KRIT1: variants seen among roughly 807,000 people sequenced by gnomAD.
KRIT1 encodes the protein KRIT1 ankyrin repeat containing, also known as krev interaction trapped protein 1.
KRIT1 carries 45 observed loss-of-function variants against 95.8 expected under a neutral mutation model. The observed-to-expected ratio is 0.47, with a 90% CI of 0.37 to 0.60. The LOEUF (loss-of-function observed/expected upper bound fraction) is 0.60, where lower values mean the gene tolerates loss of function less well. Among genes scored for constraint, KRIT1 ranks in the 20% least tolerant of loss-of-function variants. The probability of loss-of-function intolerance (pLI) is 0.00; values close to 1 mark genes in which losing one functional copy is unlikely to be tolerated. For synonymous variants in KRIT1, 282 were observed against 278.8 expected (o/e 1.01, Z -0.11); for missense variants, 788 against 877.5 (o/e 0.90, Z 1.29).
At chr7:92,220,609 CTG>C (rs1794926562) in intron 14 of KRIT1, among the ~76,000 whole-genome samples, 1 of 151,064 alleles carries the variant, frequency 6.6e-6, no homozygotes, top group Non-Finnish European at 1.5e-5. Context: ...CATTGTAAGA[CTG>C]TGAAACAATT....
rs1335541626 is a variant in KRIT1 at position 92,223,029 on chromosome 7, A to G, written c.1255-51T>C. 5 of 1,126,062 alleles carry G rather than the reference A, an allele frequency of 4.4e-6. No homozygotes were observed. In the South Asian group the frequency reaches 5.0e-5, roughly 11 times the overall value. The allele number at this position is 1,126,062 out of a possible 1,614,324, so 69.8% of individuals were successfully genotyped here. Reference sequence around the variant, plus strand: ...CGAACTTAAAAAATTATACATCACAATCTAACAAGATACTTTCCTTCAACT... The same window carrying G: ...CGAACTTAAAAAATTATACATCACAGTCTAACAAGATACTTTCCTTCAACT... On this transcript the variant is annotated intron_variant, in intron 12 of 18. Coordinates refer to ENST00000394505, the MANE Select transcript of KRIT1 (RefSeq NM_194454.3).
chr7:92,219,981 C>T (rs1377361680), intron 14 of KRIT1, among the ~76,000 whole-genome samples: 1 of 152,166 alleles, frequency 6.6e-6, no homozygotes, highest in African/African-American at 2.4e-5. Flanking sequence ...CTTGAAACTT[C>T]GCTGAATTAA....
At chr7:92,228,957 A>G (rs1402093374) in intron 10 of KRIT1, among the ~76,000 whole-genome samples, 2 of 152,172 alleles carry the variant, frequency 1.3e-5, no homozygotes, top group African/African-American at 4.8e-5. Flanking sequence ...TGATGTATAC[A>G]TACCACATTT....
chr7:92,219,422 G>A (rs1794679353), intron 14 of KRIT1, among the ~76,000 whole-genome samples: 1 of 152,160 alleles, frequency 6.6e-6, no homozygotes, highest in African/African-American at 2.4e-5. Flanking sequence ...GATGAACCTG[G>A]TAGCCTTGTC....
intron 1 of KRIT1, 57 bp from the exon 2 acceptor site, chr7:92,245,228 G>C (rs1246891161): frequency 6.6e-6 from 1 of 152,064 alleles, no homozygotes; most frequent in Non-Finnish European, 1.5e-5. Context: ...GGAGAAGTGA[G>C]TTAGAATGAC....
rs1291345878 is a variant in KRIT1 at position 92,201,339 on chromosome 7, T to C, written c.2110A>G (p.Asn704Asp). ...GTATGTACTATAAAGCTCATTTTAT[T>C]TTCCATGCTATGGATCTGAAAACAA... ...DTCFQIHSME[N>D]KMSFIVHTKQ... The change falls in exon 18 of 19, where the codon AAT (asparagine) becomes GAT (aspartate). Residue 704 changes from asparagine (N) to aspartate (D), a missense_variant. This residue lies in a region of KRIT1 where 493 missense variants were observed against 582.3 expected (regional missense o/e 0.85). Transcript: ENST00000394505. 3 of 1,577,354 alleles carry C rather than the reference T, an allele frequency of 1.9e-6. No individual in the cohort carries two copies. Among genetic ancestry groups the C allele is most frequent in the Non-Finnish European group, 1.7e-6 (2 of 1,146,804 alleles).
At chr7:92,231,283 C>A (rs1797232172) in intron 10 of KRIT1, among the ~76,000 whole-genome samples, 1 of 152,066 alleles carries the variant, frequency 6.6e-6, no homozygotes, top group Admixed American at 6.5e-5. Flanking sequence ...GGCTACCAAT[C>A]TTGAATTTTA....
At chr7:92,222,592 A>C (rs555178711) in intron 13 of KRIT1, among the ~76,000 whole-genome samples, 1 of 152,316 alleles carries the variant, frequency 6.6e-6, no homozygotes, top group African/African-American at 2.4e-5. Context: ...CCATAGAAGA[A>C]AAGTTTTGTT....
chr7:92,215,093 T>A lies in KRIT1; in HGVS notation c.1564-316A>T, dbSNP rs10271533. The stretch of plus-strand genomic sequence containing the variant: ...GAATACTGAAATATGAATTTCAAAA[T>A]ATTTCGCTGATAGGAAATAGTTATT... On this transcript the variant is annotated intron_variant, in intron 14 of 18. Transcript: ENST00000394505. Among the ~76,000 whole-genome samples the A allele has an allele frequency of 0.57, 86,170 of 151,982 alleles. 25,689 individuals are homozygous for A. The highest frequency in any genetic ancestry group is 0.77 in the African/African-American group (31,743 of 41,462).
Position 92,244,143 on chromosome 7 carries a change from T to C in KRIT1, c.-144A>G, listed in dbSNP as rs1800312125. ...GTTTACAAATTATGAGACAGACGCA[T>C]TGAAGACTGCAAGCCCCAAAAAGAA... is the stretch of plus-strand genomic sequence containing the variant. On this transcript the variant is annotated 5_prime_UTR_variant, in exon 3 of 19. It removes an upstream start codon present in the reference 5' UTR. Transcript: ENST00000394505. 6.6e-6 allele frequency: 1 copy of C among 152,220 alleles called. No individual in the cohort carries two copies. Among genetic ancestry groups the C allele is most frequent in the Non-Finnish European group, 1.5e-5 (1 of 68,026 alleles). The allele number at this position is 152,220 out of a possible 1,614,324, so 9.4% of individuals were successfully genotyped here. A position where few individuals can be genotyped will look rare whatever the true frequency, so the allele number is the denominator to read the frequency against.
chr7:92,229,548 A>G (rs189935981), intron 10 of KRIT1, among the ~76,000 whole-genome samples: 12 of 152,306 alleles, frequency 7.9e-5, no homozygotes, highest in East Asian at 3.9e-4. Context: ...AAAAAGCTCA[A>G]TATCACTGAT....
At position 92,236,487 on chromosome 7, in the gene KRIT1, A is replaced by G; in HGVS notation, c.411T>C (p.Asp137=). Reference sequence around the variant, plus strand: ...TGGATTCACTACAGACTCGCATAATATCTTGTAAGCAGTAAAAAATTGGGC... The same window carrying G: ...TGGATTCACTACAGACTCGCATAATGTCTTGTAAGCAGTAAAAAATTGGGC... ...PGCPIFYCLQ[D]IMRVCSESST... Residue 137 remains aspartate, a synonymous_variant, in exon 7 of 19, where the codon GAT becomes GAC. Coordinates refer to ENST00000394505, the MANE Select transcript of KRIT1 (RefSeq NM_194454.3). 6.3e-7 allele frequency: 1 copy of G among 1,589,186 alleles called. No homozygotes were observed. The highest frequency in any genetic ancestry group is 8.6e-7 in the Non-Finnish European group (1 of 1,157,638).
chr7:92,238,741 T>C (rs377161999), intron 5 of KRIT1, among the ~76,000 whole-genome samples: 17 of 152,234 alleles, frequency 1.1e-4, no homozygotes, highest in Non-Finnish European at 2.1e-4. Context: ...CTATGAGATC[T>C]GTCAGTGGGG....
chr7:92,222,687 A>G, intron 13 of KRIT1, 135 bp downstream of exon 13: 1 of 657,764 alleles, frequency 1.5e-6, no homozygotes, highest in Non-Finnish European at 2.6e-6. Flanking sequence ...AACACTAGTA[A>G]TTTATATAAA....
intron 5 of KRIT1, among the ~76,000 whole-genome samples, chr7:92,238,747 T>C (rs1257255116): frequency 6.6e-6 from 1 of 152,214 alleles, no homozygotes; most frequent in Admixed American, 6.5e-5. Context: ...GATCTGTCAG[T>C]GGGGCAGGGA....
intron 10 of KRIT1, among the ~76,000 whole-genome samples, chr7:92,232,943 T>C (rs1405209159): frequency 1.3e-5 from 2 of 152,186 alleles, no homozygotes; most frequent in South Asian, 2.1e-4. Flanking sequence ...TCCGCCCACC[T>C]TGGCCTCCCA....
chr7:92,223,931 C>T (rs1044332015), intron 12 of KRIT1, among the ~76,000 whole-genome samples: 4 of 152,158 alleles, frequency 2.6e-5, no homozygotes, highest in Non-Finnish European at 5.9e-5. Context: ...CTTATTCATT[C>T]ACAATATAAA....
intron 17 of KRIT1, among the ~76,000 whole-genome samples, chr7:92,204,307 C>T (rs1422257917): frequency 1.3e-5 from 2 of 151,136 alleles, no homozygotes; most frequent in African/African-American, 2.4e-5. Flanking sequence ...AAGCAAATGA[C>T]CCAAAAGCAA....
chr7:92,217,557 T>C (rs185303253), intron 14 of KRIT1, among the ~76,000 whole-genome samples: 378 of 152,366 alleles, frequency 2.5e-3, no homozygotes, highest in African/African-American at 8.9e-3. Context: ...TTATTTAGTA[T>C]GTTTTCAAGG....
Sources: allele counts gnomAD v4.1 joint callset (sites outside exome capture counted in the v4.1 genomes callset), GRCh38; gene constraint gnomAD v4.1.1; regional missense constraint gnomAD v4.1.1; transcripts MANE v1.5; gene names NCBI Gene and HGNC (gene_info 2026-07-23, HGNC 2026-07-21).